ALG5: variants seen among roughly 807,000 people sequenced by gnomAD.
ALG5 encodes dolichyl-phosphate beta-glucosyltransferase.
In ALG5, 26 loss-of-function variants were observed where a neutral mutation model predicts 51.8. The observed-to-expected ratio is 0.50, with a 90% CI of 0.37 to 0.70. The LOEUF is 0.70. Among genes scored for constraint, ALG5 ranks in the 30% least tolerant of loss-of-function variants. The pLI is 0.00. For missense variants in ALG5, 311 were observed against 399.3 expected, an observed-to-expected ratio of 0.78 and a Z score of 1.88; for synonymous variants, 141 against 136.1, an observed-to-expected ratio of 1.04 and a Z score of -0.25.
intron 6 of ALG5, among the ~76,000 whole-genome samples, chr13:36,978,762 A>C (rs2058965521): frequency 6.7e-6 from 1 of 149,904 alleles, no homozygotes; most frequent in African/African-American, 2.5e-5. Flanking sequence ...AAAATACAAA[A>C]AAAGTTAGCC....
In ALG5 at chr13:36,949,924, C is replaced by T. The variant is rs750786899; in HGVS notation, c.*18G>A. 1.9e-6 allele frequency: 3 copies of T among 1,546,222 alleles called. No individual in the cohort carries two copies. The highest frequency in any genetic ancestry group is 1.7e-4 in the Middle Eastern group (1 of 5,920). ...GTGACACTGAAGCATAAGAACACAA[C>T]TGAAGACTGCAAACAACCTAATTCA... is the stretch of plus-strand genomic sequence containing the variant. On this transcript the variant is annotated 3_prime_UTR_variant, in exon 10 of 10. Coordinates refer to ENST00000239891, the MANE Select transcript of ALG5 (RefSeq NM_013338.5).
chr13:36,990,232 A>G (rs928941129), intron 4 of ALG5, among the ~76,000 whole-genome samples: 2 of 152,154 alleles, frequency 1.3e-5, no homozygotes, highest in Non-Finnish European at 1.5e-5. Flanking sequence ...ATAGTGATCT[A>G]TATTTGCCAC....
intron 6 of ALG5, among the ~76,000 whole-genome samples, chr13:36,972,408 GA>G (rs1243041749): frequency 3.3e-5 from 5 of 152,040 alleles, no homozygotes; most frequent in Admixed American, 2.6e-4. Context: ...AATAGCAACT[GA>G]AAAACTACAT....
chr13:36,954,404 A>G (rs531416605), intron 8 of ALG5, among the ~76,000 whole-genome samples: 3 of 152,224 alleles, frequency 2.0e-5, no homozygotes, highest in East Asian at 3.9e-4. Context: ...TATGTATCCC[A>G]GGTCTTGAAC....
chr13:36,952,449 G>T, intron 9 of ALG5, 65 bp downstream of exon 9: 1 of 1,182,494 alleles, frequency 8.5e-7, no homozygotes, highest in Non-Finnish European at 1.2e-6. Context: ...ATTAAAGCCA[G>T]CTGACTTTAC....
At chr13:36,978,051 TA>T (rs1425214631) in intron 6 of ALG5, among the ~76,000 whole-genome samples, 1 of 151,502 alleles carries the variant, frequency 6.6e-6, no homozygotes, top group East Asian at 2.0e-4. Context: ...CATGCCCGGC[TA>T]ATTTTTTGTA....
intron 6 of ALG5, among the ~76,000 whole-genome samples, chr13:36,978,805 G>GGGATGCCTGTAATCCCAGCTC: frequency 6.6e-6 from 1 of 151,206 alleles, no homozygotes; most frequent in South Asian, 2.1e-4. Flanking sequence ...AATCCCAGCT[G>GGGATGCCTGTAATCCCAGCTC]TTTGGGAGGC....
chr13:36,974,038 A>G (rs2058938412), intron 6 of ALG5, among the ~76,000 whole-genome samples: 1 of 152,220 alleles, frequency 6.6e-6, no homozygotes, highest in Non-Finnish European at 1.5e-5. Flanking sequence ...TAATCATTTC[A>G]GTATTTGAAG....
Position 36,952,584 on chromosome 13 carries a change from T to C in ALG5, c.789A>G (p.Glu263=). 5.7e-6 allele frequency: 9 copies of C among 1,574,900 alleles called. No individual in the cohort carries two copies. Among genetic ancestry groups the C allele is most frequent in the Non-Finnish European group, 7.7e-6 (9 of 1,165,460 alleles). The stretch of plus-strand genomic sequence containing the variant: ...TAAAGAACTGTGCTATGTACAGTAG[T>C]TCTACATCAAATGCCCTAAAATAGA... ...LHVERWAFDV[E]LLYIAQFFKI... Residue 263 remains glutamate, a synonymous_variant, in exon 9 of 10, where the codon GAA becomes GAG. Transcript: ENST00000239891.
intron 8 of ALG5, among the ~76,000 whole-genome samples, chr13:36,956,754 C>G (rs1430830431): frequency 6.6e-6 from 1 of 152,066 alleles, no homozygotes; most frequent in East Asian, 1.9e-4. Flanking sequence ...ACGGCTCGAG[C>G]TGAGCTTTAA....
At position 36,999,218 on chromosome 13, in the gene ALG5, C is replaced by T. The variant is rs2059071690; in HGVS notation, c.66+17G>A. The T allele has an allele frequency of 1.3e-6, 2 of 1,559,722 alleles. No homozygotes were observed. The highest frequency in any genetic ancestry group is 1.7e-6 in the Non-Finnish European group (2 of 1,154,692). ...CGGTAAGCCCCGGCCTGCGCGGGTT[C>T]CCATCCCTGTTCTCACCAGTACGAG... On this transcript the variant is annotated intron_variant, in intron 1 of 9. Transcript: ENST00000239891.
chr13:36,965,679 C>T lies in ALG5; in HGVS notation c.669G>A (p.Val223=). The stretch of plus-strand genomic sequence containing the variant: ...TGATTCCTTTGACACAAAGGAACCA[C>T]ACCAGAAAGTGGAACCCATACATGA... ...TLLMYGFHFL[V]WFLCVKGIRD... is the part of the protein sequence containing the mutation. The change falls in exon 8 of 10, where the codon GTG becomes GTA. Residue 223 remains valine, a synonymous_variant. Transcript: ENST00000239891. The T allele has an allele frequency of 6.2e-7, 1 of 1,613,952 alleles. No homozygotes were observed.
chr13:36,965,578 C>A lies in ALG5; in HGVS notation c.770G>T (p.Arg257Leu). 6.2e-7 allele frequency: 1 copy of A among 1,612,952 alleles called. No individual in the cohort carries two copies. Among genetic ancestry groups the A allele is most frequent in the Non-Finnish European group, 8.5e-7 (1 of 1,179,478 alleles). Residue 257 changes from arginine (R) to leucine (L), a missense_variant, in exon 8 of 10, where the codon CGA becomes CTA. Physicochemically the swap from Arg to Leu is moderately radical, Grantham distance 102 (BLOSUM62 -2). Coordinates refer to ENST00000239891, the MANE Select transcript of ALG5 (RefSeq NM_013338.5). ...SRTFSSLHVERWAFDVELLYI... is the reference protein window; with the variant it reads ...SRTFSSLHVELWAFDVELLYI... ...TACATTCCAGTCAGAAACCTACCAT[C>A]GTTCAACGTGTAGAGATGAAAACGT...
chr13:36,974,290 C>T (rs1315749070), intron 6 of ALG5, among the ~76,000 whole-genome samples: 1 of 152,132 alleles, frequency 6.6e-6, no homozygotes, highest in Admixed American at 6.5e-5. Flanking sequence ...AAAAGTAGAG[C>T]TAGTTTCACT....
intron 4 of ALG5, among the ~76,000 whole-genome samples, chr13:36,992,956 A>T (rs528150582): frequency 4.3e-4 from 66 of 152,146 alleles, no homozygotes; most frequent in Non-Finnish European, 7.2e-4. Flanking sequence ...TGATCCTTCC[A>T]GCAGAGCAGC....
At chr13:36,989,637 T>A in intron 4 of ALG5, 61 bp from the exon 5 acceptor site, 1 of 1,360,306 alleles carries the variant, frequency 7.4e-7, no homozygotes, top group Non-Finnish European at 1.0e-6. Context: ...TTATATAAGC[T>A]GTGTTTCTTG....
At chr13:36,995,091 C>A in intron 2 of ALG5, 56 bp from the exon 3 acceptor site, 1 of 1,472,054 alleles carries the variant, frequency 6.8e-7, no homozygotes, top group South Asian at 1.1e-5. Context: ...CCAAGCCCGG[C>A]ACATTCAGCT....
At chr13:36,967,867 A>C in intron 7 of ALG5, 1 of 1,048,468 alleles carries the variant, frequency 9.5e-7, no homozygotes, top group South Asian at 1.4e-5. Context: ...AGGTAGAAAA[A>C]CAATACCTAT....
At chr13:36,970,985 C>T (rs1305270719) in intron 7 of ALG5, among the ~76,000 whole-genome samples, 1 of 152,040 alleles carries the variant, frequency 6.6e-6, no homozygotes, top group Non-Finnish European at 1.5e-5. Context: ...AGGTTTTTGT[C>T]ACTCTGTCAT....
Sources: allele counts gnomAD v4.1 joint callset (sites outside exome capture counted in the v4.1 genomes callset), GRCh38; gene constraint gnomAD v4.1.1; transcripts MANE v1.5; gene names NCBI Gene and HGNC (gene_info 2026-07-23, HGNC 2026-07-21).